Variants in CSMD1 observed in about 807,000 individuals in gnomAD.
CSMD1 encodes the protein CUB and Sushi multiple domains 1, also known as CUB and sushi domain-containing protein 1.
In CSMD1, 213 loss-of-function variants were observed where a neutral mutation model predicts 417.5. The ratio of observed to expected loss-of-function variants is 0.51; its 90% CI spans 0.46 to 0.57. The LOEUF (loss-of-function observed/expected upper bound fraction) is 0.57, where lower values mean the gene tolerates loss of function less well. Ranked by LOEUF, CSMD1 falls within the 20% of genes least tolerant of loss-of-function variation. The pLI is 0.00. For missense variants in CSMD1, 6,923 were observed against 4,529.7 expected (o/e 1.53, Z -15.17); for synonymous variants, 2,862 against 1,736.8 (o/e 1.65, Z -16.11).
intron 1 of CSMD1, among the ~76,000 whole-genome samples, chr8:4,769,766 T>G (rs997080259): frequency 6.6e-6 from 1 of 152,180 alleles, no homozygotes; most frequent in African/African-American, 2.4e-5. Context: ...GCCCCTCCCT[T>G]GCCTTTTACA....
At chr8:3,617,550 G>A (rs1802202984) in intron 7 of CSMD1, among the ~76,000 whole-genome samples, 1 of 152,148 alleles carries the variant, frequency 6.6e-6, no homozygotes, top group African/African-American at 2.4e-5. Flanking sequence ...GAAGTCCACA[G>A]GAGTACTTCT....
intron 5 of CSMD1, among the ~76,000 whole-genome samples, chr8:3,870,735 C>G (rs375890637): frequency 1.3e-5 from 2 of 151,956 alleles, no homozygotes; most frequent in Non-Finnish European, 2.9e-5. Flanking sequence ...TGTTAATGTC[C>G]TATGGCCATT....
intron 7 of CSMD1, among the ~76,000 whole-genome samples, chr8:3,680,736 A>G (rs1799610234): frequency 2.0e-5 from 3 of 152,186 alleles, no homozygotes; most frequent in Admixed American, 2.0e-4. Flanking sequence ...ACACAACCAA[A>G]AAAGAGAATT....
intron 3 of CSMD1, among the ~76,000 whole-genome samples, chr8:4,339,589 C>G (rs533926787): frequency 6.6e-6 from 1 of 152,108 alleles, no homozygotes; most frequent in Non-Finnish European, 1.5e-5. Flanking sequence ...TTTCATCGTG[C>G]AAAGAACAGG....
rs1010251572 is a variant in CSMD1, at chr8:3,512,873, G to C, written c.1345-19147C>G. Among the ~76,000 whole-genome samples, 6 of 152,134 alleles carry C rather than the reference G, an allele frequency of 3.9e-5. No homozygotes were observed. The South Asian group carries it at 8.3e-4, about 21-fold the overall frequency. On this transcript the variant is annotated intron_variant, in intron 10 of 69. Transcript: ENST00000635120. The stretch of plus-strand genomic sequence containing the variant: ...GGCCTCCCAAAATGCTGGGATTACA[G>C]GTGTGAGCCACTGCACTTGGTCTTT...
At chr8:3,404,269 A>G (rs1249828240) in intron 15 of CSMD1, among the ~76,000 whole-genome samples, 3 of 151,390 alleles carry the variant, frequency 2.0e-5, no homozygotes, top group Admixed American at 6.6e-5. Context: ...TGGGAGGCGG[A>G]GGTTGCAGTG....
chr8:4,417,486 T>A (rs1214535661), intron 3 of CSMD1, among the ~76,000 whole-genome samples: 1 of 152,066 alleles, frequency 6.6e-6, no homozygotes, highest in African/African-American at 2.4e-5. Context: ...CAGCAGTCTG[T>A]TAATACTACC....
intron 5 of CSMD1, among the ~76,000 whole-genome samples, chr8:3,864,007 G>A (rs2129107135): frequency 6.6e-6 from 1 of 152,192 alleles, no homozygotes; most frequent in South Asian, 2.1e-4. Context: ...TCATAAGGCA[G>A]AAACAAACAG....
chr8:4,055,852 T>C (rs1358319882), intron 3 of CSMD1, among the ~76,000 whole-genome samples: 2 of 152,134 alleles, frequency 1.3e-5, no homozygotes, highest in Admixed American at 6.6e-5. Flanking sequence ...TTTTTTACTA[T>C]GCCAGCTTAT....
chr8:4,136,827 A>C (rs1447996241), intron 3 of CSMD1, among the ~76,000 whole-genome samples: 1 of 152,214 alleles, frequency 6.6e-6, no homozygotes, highest in Non-Finnish European at 1.5e-5. Context: ...CCTGACATCC[A>C]AATGTTTGAC....
At chr8:4,717,456 A>C (rs893971661) in intron 1 of CSMD1, among the ~76,000 whole-genome samples, 2 of 146,076 alleles carry the variant, frequency 1.4e-5, no homozygotes, top group Non-Finnish European at 3.0e-5. Context: ...TACACACACT[A>C]TATATATATA....
chr8:3,911,941 T>C (rs1404633170), intron 5 of CSMD1, among the ~76,000 whole-genome samples: 1 of 152,210 alleles, frequency 6.6e-6, no homozygotes, highest in Non-Finnish European at 1.5e-5. Flanking sequence ...GTTTTCCCTA[T>C]ATGTCCACCT....
At chr8:3,441,215 T>C (rs1349809129) in intron 12 of CSMD1, among the ~76,000 whole-genome samples, 2 of 152,104 alleles carry the variant, frequency 1.3e-5, no homozygotes, top group South Asian at 2.1e-4. Flanking sequence ...GCAGGGAGCA[T>C]GGCTTTGCTG....
chr8:4,612,497 C>A (rs1012340125), intron 2 of CSMD1, among the ~76,000 whole-genome samples: 2 of 152,184 alleles, frequency 1.3e-5, no homozygotes, highest in African/African-American at 2.4e-5. Flanking sequence ...ATGACCACAA[C>A]AGGCAAATTG....
chr8:3,089,215 G>T (rs1368798620), intron 48 of CSMD1, among the ~76,000 whole-genome samples: 1 of 152,208 alleles, frequency 6.6e-6, no homozygotes, highest in African/African-American at 2.4e-5. Flanking sequence ...GAAAAGCTGG[G>T]ATATAGAATG....
intron 5 of CSMD1, among the ~76,000 whole-genome samples, chr8:3,864,634 A>G (rs1300536611): frequency 6.6e-6 from 1 of 152,054 alleles, no homozygotes; most frequent in Non-Finnish European, 1.5e-5. Flanking sequence ...CCATCCCACA[A>G]CAGGCCCCGG....
chr8:4,296,755 T>C (rs1368505264), intron 3 of CSMD1, among the ~76,000 whole-genome samples: 1 of 147,134 alleles, frequency 6.8e-6, no homozygotes, highest in Non-Finnish European at 1.5e-5. Flanking sequence ...TTCTACTGTA[T>C]AATGATTTCT....
intron 1 of CSMD1, among the ~76,000 whole-genome samples, chr8:4,945,592 C>A (rs998441339): frequency 7.3e-5 from 11 of 151,108 alleles, no homozygotes; most frequent in Non-Finnish European, 8.8e-5. Flanking sequence ...CTCAGTAAAT[C>A]TCTGGATAAG....
At chr8:3,295,765 A>T (rs1292220314) in intron 25 of CSMD1, among the ~76,000 whole-genome samples, 1 of 152,202 alleles carries the variant, frequency 6.6e-6, no homozygotes, top group Non-Finnish European at 1.5e-5. Flanking sequence ...ACATATATAT[A>T]GAAAATTTGA....
Sources: allele counts gnomAD v4.1 joint callset (sites outside exome capture counted in the v4.1 genomes callset), GRCh38; gene constraint gnomAD v4.1.1; transcripts MANE v1.5; gene names NCBI Gene and HGNC (gene_info 2026-07-23, HGNC 2026-07-21).